The following PCMTD1 variants were observed in gnomAD, a reference collection of about 807,000 sequenced individuals.
PCMTD1 encodes the protein protein-L-isoaspartate O-methyltransferase domain-containing protein 1.
A neutral mutation model predicts 37.6 loss-of-function variants in PCMTD1; 12 were observed. The ratio of observed to expected loss-of-function variants is 0.32; its 90% CI spans 0.20 to 0.52. PCMTD1 has a LOEUF of 0.52. PCMTD1 is among the 20% of genes least tolerant of loss of function. The pLI, the probability that PCMTD1 is intolerant of heterozygous loss-of-function variation, is 0.97. For missense variants in PCMTD1, 235 were observed against 421.3 expected (o/e 0.56, Z 3.87); for synonymous variants, 117 against 135.8 (o/e 0.86, Z 0.96).
At chr8:51,824,569 A>C (rs2037895018) in intron 5 of PCMTD1, among the ~76,000 whole-genome samples, 1 of 152,232 alleles carries the variant, frequency 6.6e-6, no homozygotes, top group African/African-American at 2.4e-5. Flanking sequence ...ATGGAAAAAC[A>C]TTCCATGTTC....
At chr8:51,870,779 A>G (rs925830452) in intron 1 of PCMTD1, among the ~76,000 whole-genome samples, 1 of 152,210 alleles carries the variant, frequency 6.6e-6, no homozygotes, top group Non-Finnish European at 1.5e-5. Flanking sequence ...ATTAACTTTT[A>G]GCTGAAAAGA....
At chr8:51,855,176 A>G (rs1388686814) in intron 2 of PCMTD1, among the ~76,000 whole-genome samples, 1 of 145,616 alleles carries the variant, frequency 6.9e-6, no homozygotes, top group African/African-American at 2.5e-5. Context: ...CTCCATCTCA[A>G]AAAAAAAAAA....
At chr8:51,821,437 G>A (rs779038881) in intron 5 of PCMTD1, among the ~76,000 whole-genome samples, 2 of 152,074 alleles carry the variant, frequency 1.3e-5, no homozygotes, top group East Asian at 1.9e-4. Flanking sequence ...CATCATGCCC[G>A]GCCCTCTACA....
intron 1 of PCMTD1, among the ~76,000 whole-genome samples, chr8:51,884,857 C>T (rs904720614): frequency 2.6e-5 from 4 of 152,212 alleles, no homozygotes; most frequent in African/African-American, 9.7e-5. Flanking sequence ...GTACCCTCTC[C>T]AACAAGACCT....
intron 1 of PCMTD1, among the ~76,000 whole-genome samples, chr8:51,897,597 A>G (rs896503165): frequency 1.3e-5 from 2 of 152,266 alleles, no homozygotes; most frequent in Admixed American, 6.5e-5. Context: ...GTAAACTACC[A>G]TTAAGCAATA....
At chr8:51,878,117 A>C (rs1291356676) in intron 1 of PCMTD1, among the ~76,000 whole-genome samples, 1 of 152,142 alleles carries the variant, frequency 6.6e-6, no homozygotes. Context: ...AGCCATTGTG[A>C]CTCTAAGCAA....
intron 1 of PCMTD1, among the ~76,000 whole-genome samples, chr8:51,877,713 C>T (rs2038733088): frequency 2.0e-5 from 3 of 152,098 alleles, no homozygotes; most frequent in African/African-American, 7.2e-5. Flanking sequence ...ACACTCATCA[C>T]ATCAGTGATA....
intron 2 of PCMTD1, among the ~76,000 whole-genome samples, chr8:51,857,609 G>C (rs980033542): frequency 2.6e-5 from 4 of 152,098 alleles, no homozygotes; most frequent in Non-Finnish European, 5.9e-5. Flanking sequence ...TGAAACGACA[G>C]TACTGAGAGG....
At chr8:51,895,954 TTTTTTTTTTGAGACAGAGTCTCACTC>T in intron 1 of PCMTD1, 1 of 147,322 alleles carries the variant, frequency 6.8e-6, no homozygotes. Context: ...TTTTTTTTTT[TTTTTTTTTTGAGACAGAGTCTCACTC>T]TTTTGACCAG....
chr8:51,873,767 CA>C (rs1409408988), intron 1 of PCMTD1, among the ~76,000 whole-genome samples: 1 of 152,138 alleles, frequency 6.6e-6, no homozygotes, highest in Non-Finnish European at 1.5e-5. Context: ...CACCTTCCAG[CA>C]TGAGTAAAAG....
chr8:51,898,698 C>T (rs1563369427), intron 1 of PCMTD1, among the ~76,000 whole-genome samples: 2 of 151,908 alleles, frequency 1.3e-5, no homozygotes, highest in Non-Finnish European at 2.9e-5. Context: ...CCTTTCGACT[C>T]CCCGACCTCC....
chr8:51,822,353 G>C (rs918058281), intron 5 of PCMTD1, among the ~76,000 whole-genome samples: 2 of 100,690 alleles, frequency 2.0e-5, no homozygotes, highest in Non-Finnish European at 5.3e-5. Context: ...TGGCTGTAGG[G>C]GATGAGGGAG....
At chr8:51,854,542 T>C (rs2038354959) in intron 2 of PCMTD1, among the ~76,000 whole-genome samples, 1 of 152,304 alleles carries the variant, frequency 6.6e-6, no homozygotes, top group South Asian at 2.1e-4. Flanking sequence ...AAAGGTTGTT[T>C]TCAAAACAGA....
At chr8:51,849,900 G>A (rs1307152085) in intron 2 of PCMTD1, 2 of 609,480 alleles carry the variant, frequency 3.3e-6, no homozygotes, top group African/African-American at 1.8e-5. Context: ...AGAAGACTGA[G>A]GCAGACCAAG....
At chr8:51,824,898 C>T (rs2037900249) in intron 5 of PCMTD1, among the ~76,000 whole-genome samples, 1 of 152,164 alleles carries the variant, frequency 6.6e-6, no homozygotes, top group South Asian at 2.1e-4. Context: ...TACACATCTA[C>T]AACCATCTTA....
chr8:51,821,713 T>G (rs187745705), intron 5 of PCMTD1, among the ~76,000 whole-genome samples: 14 of 151,680 alleles, frequency 9.2e-5, no homozygotes, highest in Admixed American at 9.2e-4. Context: ...ACGCCAATGA[T>G]ATGATAGAAA....
At chr8:51,876,347 A>G (rs1431037356) in intron 1 of PCMTD1, among the ~76,000 whole-genome samples, 1 of 152,230 alleles carries the variant, frequency 6.6e-6, no homozygotes, top group Non-Finnish European at 1.5e-5. Context: ...TGGAGGAGTC[A>G]GTGGGAAGTC....
At chr8:51,842,120 A>G (rs1314181626) in intron 3 of PCMTD1, among the ~76,000 whole-genome samples, 2 of 152,170 alleles carry the variant, frequency 1.3e-5, no homozygotes, top group Non-Finnish European at 2.9e-5. Flanking sequence ...TTAAAATACC[A>G]TATGTATCAA....
intron 2 of PCMTD1, among the ~76,000 whole-genome samples, chr8:51,847,348 A>T (rs570207722): frequency 6.6e-6 from 1 of 152,318 alleles, no homozygotes; most frequent in Admixed American, 6.5e-5. Context: ...AAATACAGGC[A>T]GGATGTGGTA....
Sources: gnomAD v4.1 joint callset for allele counts (sites outside exome capture counted in the v4.1 genomes callset) on GRCh38, gnomAD v4.1.1 for gene constraint, MANE v1.5 for transcripts, NCBI Gene and HGNC (gene_info 2026-07-23, HGNC 2026-07-21) for gene names.